FABP6: variants seen among roughly 807,000 people sequenced by gnomAD.
FABP6 encodes the protein fatty acid binding protein 6.
Under a neutral mutation model 14.9 loss-of-function variants are expected in FABP6, and 13 were observed. That is an observed-to-expected ratio of 0.87 (90% confidence interval 0.57 to 1.39). FABP6 has a LOEUF of 1.39. FABP6 is among the 40% of genes most tolerant of loss of function. The pLI, the probability that FABP6 is intolerant of heterozygous loss-of-function variation, is 0.00. For missense variants in FABP6, 161 were observed against 167.2 expected (o/e 0.96, Z 0.20); for synonymous variants, 75 against 63.6 (o/e 1.18, Z -0.85).
intron 1 of FABP6, among the ~76,000 whole-genome samples, chr5:160,188,193 T>G (rs917131931): frequency 6.6e-6 from 1 of 152,020 alleles, no homozygotes; most frequent in Non-Finnish European, 1.5e-5. Context: ...CCTGGTGGAA[T>G]GGGGTAGCTG....
chr5:160,221,589 C>G (rs1014485771), intron 3 of FABP6, among the ~76,000 whole-genome samples: 5 of 152,132 alleles, frequency 3.3e-5, no homozygotes, highest in African/African-American at 1.2e-4. Context: ...ATTATTTCCC[C>G]CAAGGTTTTC....
At chr5:160,208,441 A>G (rs1156361534) in intron 2 of FABP6, among the ~76,000 whole-genome samples, 1 of 151,990 alleles carries the variant, frequency 6.6e-6, no homozygotes, top group South Asian at 2.1e-4. Context: ...CTGTCTCTTA[A>G]AAAAAAAGAA....
At chr5:160,208,619 G>A (rs937113884) in intron 2 of FABP6, among the ~76,000 whole-genome samples, 1 of 152,262 alleles carries the variant, frequency 6.6e-6, no homozygotes, top group Non-Finnish European at 1.5e-5. Context: ...GTTATCATAA[G>A]AGTGGATTAG....
intron 1 of FABP6, among the ~76,000 whole-genome samples, chr5:160,230,063 A>G (rs1170791695): frequency 7.0e-6 from 1 of 142,098 alleles, no homozygotes. Flanking sequence ...GTATTTTTTT[A>G]GTAAAGATGG....
At chr5:160,231,096 C>A (rs1043834875) in intron 1 of FABP6, among the ~76,000 whole-genome samples, 4 of 152,210 alleles carry the variant, frequency 2.6e-5, no homozygotes, top group African/African-American at 9.6e-5. Context: ...TGCCCTCCCT[C>A]TTGGTGGCCA....
chr5:160,229,443 G>A (rs1305440886), upstream of FABP6: 4 of 1,557,830 alleles, frequency 2.6e-6, no homozygotes, highest in Non-Finnish European at 3.5e-6. Flanking sequence ...GAAGTGGGGT[G>A]ACTTAGGGGC....
chr5:160,215,367 G>T (rs1249581533), intron 3 of FABP6, among the ~76,000 whole-genome samples: 1 of 152,142 alleles, frequency 6.6e-6, no homozygotes, highest in Non-Finnish European at 1.5e-5. Context: ...TACAAAATTA[G>T]CCGGGTGTGT....
chr5:160,231,131 A>G (rs779257868), intron 1 of FABP6, among the ~76,000 whole-genome samples: 7 of 152,146 alleles, frequency 4.6e-5, no homozygotes, highest in Non-Finnish European at 7.4e-5. Context: ...GCTGGCTCAG[A>G]GCAACCCTGA....
chr5:160,236,252 G>A (rs1485696134), intron 3 of FABP6, among the ~76,000 whole-genome samples: 1 of 152,038 alleles, frequency 6.6e-6, no homozygotes, highest in Non-Finnish European at 1.5e-5. Context: ...CTGACCTCAA[G>A]TGATCTGCCC....
At chr5:160,187,856 G>T (rs892698411) in intron 1 of FABP6, among the ~76,000 whole-genome samples, 7 of 152,122 alleles carry the variant, frequency 4.6e-5, no homozygotes, top group African/African-American at 1.7e-4. Context: ...GAGTTCAAGC[G>T]ATTCTTCTGC....
chr5:160,208,013 C>T (rs1431328129), intron 2 of FABP6, among the ~76,000 whole-genome samples: 8 of 152,082 alleles, frequency 5.3e-5, no homozygotes, highest in Non-Finnish European at 7.4e-5. Flanking sequence ...AGTGAGCTAC[C>T]GTGCCTGGCC....
rs148331516 is a variant in FABP6 at position 160,212,174 on chromosome 5, A to G, written c.52-1562A>G. 4.6e-3 allele frequency among the ~76,000 whole-genome samples: 697 copies of G among 151,102 alleles called. 6 individuals are homozygous for G. Among genetic ancestry groups the G allele is most frequent in the African/African-American group, 0.016 (665 of 41,146 alleles). ...CTGGCTAATTTCTTTTTCTTTTTTG[A>G]GATGGAGTCTCTCTCTGTTGCCCAG... On this transcript the variant is annotated intron_variant, in intron 2 of 6. Transcript: ENST00000393980.
At chr5:160,212,841 T>C (rs1180708417) in intron 2 of FABP6, among the ~76,000 whole-genome samples, 1 of 152,154 alleles carries the variant, frequency 6.6e-6, no homozygotes, top group Admixed American at 6.6e-5. Context: ...GGTTTTGAAC[T>C]GCTGACCTCA....
At chr5:160,238,182 G>C (rs1011985630) in intron 3 of FABP6, among the ~76,000 whole-genome samples, 1 of 152,102 alleles carries the variant, frequency 6.6e-6, no homozygotes, top group Non-Finnish European at 1.5e-5. Flanking sequence ...TCCCATCACC[G>C]AGCATGTGAC....
At chr5:160,234,076 A>G (rs1206982248) in intron 2 of FABP6, among the ~76,000 whole-genome samples, 1 of 152,178 alleles carries the variant, frequency 6.6e-6, no homozygotes, top group African/African-American at 2.4e-5. Context: ...AAAGCAAAAA[A>G]GGAGAGCAGA....
chr5:160,220,299 G>C (rs1046060278), intron 3 of FABP6, among the ~76,000 whole-genome samples: 1 of 152,042 alleles, frequency 6.6e-6, no homozygotes, highest in Non-Finnish European at 1.5e-5. Context: ...CTGGAAGATC[G>C]GTATTTTTTT....
chr5:160,232,299 C>A (rs765520179), intron 2 of FABP6, 26 bp downstream of exon 2: 1 of 1,565,258 alleles, frequency 6.4e-7, no homozygotes. Flanking sequence ...CTGTCCCCCT[C>A]CTTCCCCAGG....
At position 160,223,332 on chromosome 5, in the gene FABP6, CCCTTCCTT is replaced by C. The variant is rs367909259; in HGVS notation, c.136-6192_136-6185del. Among the ~76,000 whole-genome samples, 70 of 93,408 alleles carry C rather than the reference CCCTTCCTT, an allele frequency of 7.5e-4. 1 individual carries two copies. The highest frequency in any genetic ancestry group is 9.2e-4 in the Admixed American group (8 of 8,720). The allele number at this position is 93,408 out of a possible 152,430, so 61.3% of individuals were successfully genotyped here. ...TCATATAAGAGTGAATTTTTGCCCG[CCCTTCCTT>C]CCTTCCTTCCTTCCTTCCTTCTTTC... On this transcript the variant is annotated intron_variant, in intron 3 of 6. Coordinates refer to the FABP6 transcript ENST00000393980.
rs146247790 is a variant in FABP6 at position 160,220,156 on chromosome 5, A to G, written c.135+6337A>G. Among the ~76,000 whole-genome samples the G allele has an allele frequency of 4.6e-3, 703 of 152,350 alleles. 6 individuals carry two copies. Among genetic ancestry groups the G allele is most frequent in the African/African-American group, 0.016 (670 of 41,592 alleles). Reference sequence around the variant, plus strand: ...CTGCAATATATAAACAGTAGTTCAAAATAGGCAGCTAGGCTGGACGAATTG... The same window carrying G: ...CTGCAATATATAAACAGTAGTTCAAGATAGGCAGCTAGGCTGGACGAATTG... On this transcript the variant is annotated intron_variant, in intron 3 of 6. Transcript: ENST00000393980.
Sources: gnomAD v4.1 joint callset for allele counts (sites outside exome capture counted in the v4.1 genomes callset) on GRCh38, gnomAD v4.1.1 for gene constraint, MANE v1.5 for transcripts, NCBI Gene and HGNC (gene_info 2026-07-23, HGNC 2026-07-21) for gene names.